Variants in RESF1 observed in about 807,000 individuals in gnomAD.
The protein encoded by RESF1 is gonad expressed transcript.
Under a neutral mutation model 134.7 loss-of-function variants are expected in RESF1, and 65 were observed. The ratio of observed to expected loss-of-function variants is 0.48; its 90% CI spans 0.40 to 0.59. RESF1 has a LOEUF of 0.59. RESF1 is among the 20% of genes least tolerant of loss of function. The pLI is 0.00. For missense variants in RESF1, 2,274 were observed against 2,002.7 expected, an observed-to-expected ratio of 1.14 and a Z score of -2.59; for synonymous variants, 762 against 702.2, an observed-to-expected ratio of 1.09 and a Z score of -1.35.
At chr12:31,959,865 AT>A (rs1216004059) in intron 1 of RESF1, 1 of 152,202 alleles carries the variant, frequency 6.6e-6, no homozygotes, top group Non-Finnish European at 1.5e-5. Flanking sequence ...GCTAGGACGC[AT>A]TTTGTCGAAC....
chr12:31,986,279 A>T (rs1011395191), intron 4 of RESF1, among the ~76,000 whole-genome samples: 3 of 152,204 alleles, frequency 2.0e-5, no homozygotes, highest in Non-Finnish European at 4.4e-5. Context: ...GGAATGTCAG[A>T]AAAGTGTCAA....
chr12:31,981,318 C>A lies in RESF1; in HGVS notation c.363C>A (p.Asn121Lys). 6.2e-7 allele frequency: 1 copy of A among 1,614,092 alleles called. No homozygotes were observed. Among genetic ancestry groups the A allele is most frequent in the Non-Finnish European group, 8.5e-7 (1 of 1,179,998 alleles). Residue 121 changes from asparagine (N) to lysine (K), a missense_variant, in exon 4 of 6, where the codon AAC becomes AAA. By Grantham distance (94) the Asn-to-Lys change is moderately conservative. Coordinates refer to ENST00000312561, the MANE Select transcript of RESF1 (RefSeq NM_018169.4). ...SSGVTQNVWLNSPMRNPVHSH... is the reference protein window; with the variant it reads ...SSGVTQNVWLKSPMRNPVHSH... ...GAGTTACCCAAAACGTATGGTTGAA[C>A]TCACCAATGAGGAATCCTGTGCATT...
intron 5 of RESF1, among the ~76,000 whole-genome samples, chr12:31,990,687 C>T (rs1477412225): frequency 6.6e-6 from 1 of 152,168 alleles, no homozygotes; most frequent in African/African-American, 2.4e-5. Context: ...GATCCACCCA[C>T]CTCAGCCTGC....
rs1939256094 is a variant in RESF1, at chr12:31,961,089, A to G, written c.-247+218A>G. On this transcript the variant is annotated intron_variant, in intron 2 of 5. Coordinates refer to ENST00000312561, the MANE Select transcript of RESF1 (RefSeq NM_018169.4). ...AAAATCAGTTGTTAATCTTAGCAAA[A>G]TAAGGAAAGAGGTCTTTGGTAAGGG... 2.6e-5 allele frequency among the ~76,000 whole-genome samples: 4 copies of G among 152,232 alleles called. No homozygotes were observed. In the South Asian group the frequency reaches 8.3e-4, roughly 32 times the overall value.
chr12:31,983,679 A>G lies in RESF1; in HGVS notation c.2724A>G (p.Gln908=), dbSNP rs1565846660. Residue 908 remains glutamine, a synonymous_variant, in exon 4 of 6, where the codon CAA becomes CAG. Transcript: ENST00000312561. ...AAGGTGATACCTCTTACAATTCCCA[A>G]ATAGCAAAGATATTCAGCTCTCTTC... The part of the protein sequence containing the change: ...LVEGDTSYNS[Q]IAKIFSSLPL... 3.7e-6 allele frequency: 6 copies of G among 1,613,970 alleles called. No individual in the cohort carries two copies. The highest frequency in any genetic ancestry group is 5.1e-6 in the Non-Finnish European group (6 of 1,179,978).
At chr12:31,963,706 A>G (rs993478340) in intron 2 of RESF1, among the ~76,000 whole-genome samples, 4 of 152,204 alleles carry the variant, frequency 2.6e-5, no homozygotes, top group Non-Finnish European at 4.4e-5. Context: ...TCCATACTCA[A>G]TAGTGGTAAC....
intron 2 of RESF1, 71 bp downstream of exon 2, chr12:31,960,942 A>G (rs1298347471): frequency 6.6e-6 from 1 of 152,254 alleles, no homozygotes; most frequent in Non-Finnish European, 1.5e-5. Context: ...CTATGGAGTA[A>G]TTCACCTATT....
chr12:31,982,630 T>A lies in RESF1; in HGVS notation c.1675T>A (p.Cys559Ser). The change falls in exon 4 of 6, where the codon TGT (cysteine) becomes AGT (serine). Residue 559 changes from cysteine to serine, a missense_variant. Physicochemically the swap from Cys to Ser is moderately radical, Grantham distance 112 (BLOSUM62 -1). Coordinates refer to ENST00000312561, the MANE Select transcript of RESF1 (RefSeq NM_018169.4). ...TKVEQNSPAV[C>S]ETISVPKSMS... ...AGTTGAGCAAAATTCACCAGCAGTTTGTGAAACAATTTCTGTTCCCAAGTC... is the reference window on the plus strand; with the variant it reads ...AGTTGAGCAAAATTCACCAGCAGTTAGTGAAACAATTTCTGTTCCCAAGTC... 1 of 1,614,078 alleles carries A rather than the reference T, an allele frequency of 6.2e-7. No individual in the cohort carries two copies. Among genetic ancestry groups the A allele is most frequent in the Admixed American group, 1.7e-5 (1 of 60,034 alleles).
chr12:31,986,033 A>C lies in RESF1; in HGVS notation c.5002+76A>C, dbSNP rs899927457. ...GTCAATATTTGGGCTAGCACCTCTC[A>C]TGCTGTCTTGGGCTGCTGGGAAAGA... is the stretch of plus-strand genomic sequence containing the variant. On this transcript the variant is annotated intron_variant, in intron 4 of 5. Transcript: ENST00000312561. The C allele has an allele frequency of 4.3e-6, 4 of 920,432 alleles. No individual in the cohort carries two copies. In the East Asian group the frequency reaches 1.3e-4, roughly 30 times the overall value. The allele number at this position is 920,432 out of a possible 1,614,324, so 57.0% of individuals were successfully genotyped here.
At chr12:31,960,961 A>C (rs1238658309) in intron 2 of RESF1, 90 bp downstream of exon 2, 1 of 152,254 alleles carries the variant, frequency 6.6e-6, no homozygotes. Context: ...TTACCGAATA[A>C]AATTACTAGC....
At position 31,981,888 on chromosome 12, in the gene RESF1, G is replaced by A. The variant is rs772872499; in HGVS notation, c.933G>A (p.Met311Ile). ...TGGAAGTTCCTCAGAGTCGAGAAAT[G>A]CTGTCATCTGAAATAAGGACCAGCT... ...LSMEVPQSRE[M>I]LSSEIRTSFQ... The change falls in exon 4 of 6, where the codon ATG becomes ATA. Residue 311 changes from methionine (M) to isoleucine (I), a missense_variant. Physicochemically the swap from Met to Ile is conservative, Grantham distance 10 (BLOSUM62 1). Transcript: ENST00000312561. 2 of 1,613,980 alleles carry A rather than the reference G, an allele frequency of 1.2e-6. No individual in the cohort carries two copies. Among genetic ancestry groups the A allele is most frequent in the East Asian group, 4.5e-5 (2 of 44,898 alleles).
At chr12:31,973,239 A>G (rs1939554804) in intron 3 of RESF1, among the ~76,000 whole-genome samples, 1 of 152,146 alleles carries the variant, frequency 6.6e-6, no homozygotes. Context: ...AGATTATGCC[A>G]TCCTAGAGAC....
intron 2 of RESF1, among the ~76,000 whole-genome samples, chr12:31,962,220 T>TTAA (rs377663575): frequency 3.8e-5 from 5 of 132,656 alleles, no homozygotes; most frequent in African/African-American, 8.2e-5. Flanking sequence ...TCTGTCTTTT[T>TTAA]AAAAAAAAAA....
In RESF1 at chr12:31,982,289, T is replaced by C; in HGVS notation, c.1334T>C (p.Leu445Pro). The change falls in exon 4 of 6, where the codon CTA (leucine) becomes CCA (proline). Residue 445 changes from leucine to proline, a missense_variant. Leu to Pro is a moderately conservative substitution (Grantham distance 98). Coordinates refer to ENST00000312561, the MANE Select transcript of RESF1 (RefSeq NM_018169.4). Reference protein sequence around the residue: ...SEPAQNSKLSLKQTAKIQSGP... With the variant: ...SEPAQNSKLSPKQTAKIQSGP... ...CCAGCTCAGAATTCTAAATTGTCTC[T>C]AAAACAAACTGCCAAAATCCAGTCT... is the stretch of plus-strand genomic sequence containing the variant. 6.2e-7 allele frequency: 1 copy of C among 1,614,128 alleles called. No individual in the cohort carries two copies. The highest frequency in any genetic ancestry group is 8.5e-7 in the Non-Finnish European group (1 of 1,180,024).
intron 1 of RESF1, 32 bp from the exon 2 acceptor site, chr12:31,960,745 T>G (rs1050514675): frequency 6.6e-6 from 1 of 152,234 alleles, no homozygotes; most frequent in Non-Finnish European, 1.5e-5. Context: ...GCATGTGCTC[T>G]TTTATTATAA....
chr12:31,987,420 C>A, intron 5 of RESF1, 98 bp downstream of exon 5: 2 of 686,668 alleles, frequency 2.9e-6, no homozygotes, highest in East Asian at 3.1e-5. Flanking sequence ...ATGATTTTAT[C>A]CATGTTCTTT....
chr12:31,987,271 T>C lies in RESF1; in HGVS notation c.5035T>C (p.Leu1679=). The change falls in exon 5 of 6, where the codon TTA becomes CTA. Residue 1679 remains leucine, a synonymous_variant. Transcript: ENST00000312561. ...SGIKSTKEDW[L]KFVATKKRTQ... is the part of the protein sequence containing the mutation. ...AATAAAAAGTACAAAAGAAGACTGG[T>C]TAAAATTTGTTGCTACAAAGAAAAG... The C allele has an allele frequency of 6.2e-7, 1 of 1,600,114 alleles. No homozygotes were observed. The highest frequency in any genetic ancestry group is 8.6e-7 in the Non-Finnish European group (1 of 1,168,856).
At chr12:31,963,077 G>A (rs929839256) in intron 2 of RESF1, among the ~76,000 whole-genome samples, 3 of 151,822 alleles carry the variant, frequency 2.0e-5, no homozygotes, top group African/African-American at 7.3e-5. Context: ...AGAAAATAAA[G>A]TCCATGGGCT....
At position 31,981,160 on chromosome 12, in the gene RESF1, T is replaced by C; in HGVS notation, c.205T>C (p.Tyr69His). Reference protein sequence around the residue: ...ISQPLLNIQNYPQQISVSDMH... With the variant: ...ISQPLLNIQNHPQQISVSDMH... ...ACAGCCACTGCTGAATATCCAAAAT[T>C]ATCCTCAACAAATTTCTGTTTCTGA... is the stretch of plus-strand genomic sequence containing the variant. Residue 69 changes from tyrosine to histidine, a missense_variant, in exon 4 of 6, where the codon TAT becomes CAT. Coordinates refer to ENST00000312561, the MANE Select transcript of RESF1 (RefSeq NM_018169.4). The C allele has an allele frequency of 1.9e-6, 3 of 1,614,114 alleles. No homozygotes were observed. Among genetic ancestry groups the C allele is most frequent in the Non-Finnish European group, 2.5e-6 (3 of 1,179,968 alleles).
Sources: allele counts gnomAD v4.1 joint callset (sites outside exome capture counted in the v4.1 genomes callset), GRCh38; gene constraint gnomAD v4.1.1; transcripts MANE v1.5; gene names NCBI Gene and HGNC (gene_info 2026-07-23, HGNC 2026-07-21).